GRIK4: variants seen among roughly 807,000 people sequenced by gnomAD.
GRIK4 encodes the protein glutamate ionotropic receptor kainate type subunit 4.
In GRIK4, 40 loss-of-function variants were observed where a neutral mutation model predicts 104.9. The observed-to-expected ratio is 0.38, with a 90% CI of 0.30 to 0.50. The LOEUF is 0.50. Among genes scored for constraint, GRIK4 ranks in the 20% least tolerant of loss-of-function variants. The pLI, the probability that GRIK4 is intolerant of heterozygous loss-of-function variation, is 0.93. For missense variants in GRIK4, 1,047 were observed against 1,308.1 expected (o/e 0.80, Z 3.08); for synonymous variants, 485 against 524.9 (o/e 0.92, Z 1.04).
chr11:120,824,537 C>CTTTTTTTT (rs967209826), intron 6 of GRIK4, among the ~76,000 whole-genome samples: 3 of 141,838 alleles, frequency 2.1e-5, no homozygotes, highest in Non-Finnish European at 3.1e-5. Context: ...TTTTTTCCTT[C>CTTTTTTTT]TTTTTTTTTT....
intron 1 of GRIK4, chr11:120,515,048 G>A (rs1469952324): frequency 2.2e-6 from 1 of 456,700 alleles, no homozygotes; most frequent in Non-Finnish European, 4.4e-6. Context: ...CTTCCAAGAT[G>A]CCTTGCAGGT....
chr11:120,738,832 G>A (rs183793526), intron 3 of GRIK4, among the ~76,000 whole-genome samples: 356 of 152,218 alleles, frequency 2.3e-3, no homozygotes, highest in Non-Finnish European at 4.5e-3. Flanking sequence ...CTGAAGCTCA[G>A]TCACAGCCAT....
At chr11:120,950,530 G>A (rs969343544) in intron 14 of GRIK4, among the ~76,000 whole-genome samples, 1 of 152,214 alleles carries the variant, frequency 6.6e-6, no homozygotes, top group African/African-American at 2.4e-5. Flanking sequence ...GAGACAGATT[G>A]AAATAGTCAT....
In GRIK4 at chr11:120,611,361, A is replaced by G. The variant is rs544227607; in HGVS notation, c.-158-42324A>G. Among the ~76,000 whole-genome samples, 249 of 152,310 alleles carry G rather than the reference A, an allele frequency of 1.6e-3. 1 individual carries two copies. The highest frequency in any genetic ancestry group is 2.7e-3 in the Non-Finnish European group (184 of 68,036). ...GGAACAATAATATTTAATATGCAGT[A>G]TAATTGTAAGGATCACTTGCATCCT... On this transcript the variant is annotated intron_variant, in intron 1 of 20. Transcript: ENST00000527524.
intron 13 of GRIK4, among the ~76,000 whole-genome samples, chr11:120,919,695 A>G (rs1032767227): frequency 6.6e-6 from 1 of 152,200 alleles, no homozygotes; most frequent in Admixed American, 6.5e-5. Context: ...GAAGCTACTG[A>G]ATAATTCAAA....
At chr11:120,636,268 C>G (rs1222079748) in intron 1 of GRIK4, among the ~76,000 whole-genome samples, 2 of 152,164 alleles carry the variant, frequency 1.3e-5, no homozygotes, top group Non-Finnish European at 2.9e-5. Flanking sequence ...ATGTGCTGTT[C>G]TCCTGGGAAC....
At chr11:120,936,182 A>G (rs1943594821) in intron 13 of GRIK4, 3 of 278,302 alleles carry the variant, frequency 1.1e-5, no homozygotes, top group Non-Finnish European at 7.1e-6. Flanking sequence ...CTCAGTTTGC[A>G]GCAATATCCT....
Position 120,905,517 on chromosome 11 carries a change from GGCC to G in GRIK4, c.1476+25_1476+27del. The stretch of plus-strand genomic sequence containing the variant: ...GGGTAAGGAGAGGACAAGTGATCTG[GGCC>G]TGAGGGTGGGCTGGGAGGGATTGGA... On this transcript the variant is annotated intron_variant, in intron 13 of 20. Transcript: ENST00000527524. This position sits in a 1 kb window ranked among gnomAD's most constrained non-coding sequence, Gnocchi z 5.1. 7.2e-7 allele frequency: 1 copy of G among 1,380,246 alleles called. No individual in the cohort carries two copies. The highest frequency in any genetic ancestry group is 1.0e-6 in the Non-Finnish European group (1 of 974,098). 85.5% of individuals were successfully genotyped at this position (1,380,246 alleles called of 1,614,324 possible).
rs929992715 is a variant in GRIK4 at position 120,555,568 on chromosome 11, G to A, written c.-159+43681G>A. 2.6e-5 allele frequency among the ~76,000 whole-genome samples: 4 copies of A among 152,138 alleles called. No individual in the cohort carries two copies. Among genetic ancestry groups the A allele is most frequent in the African/African-American group, 4.8e-5 (2 of 41,430 alleles). ...ACACAGCGGTCGTCTTCTCCCTCAC[G>A]GTCCGCCTGCCTTTCCCGACCTACC... On this transcript the variant is annotated intron_variant, in intron 1 of 20. Coordinates refer to ENST00000527524, the MANE Select transcript of GRIK4 (RefSeq NM_014619.5). This position sits in a 1 kb window ranked among gnomAD's most constrained non-coding sequence, Gnocchi z 5.3.
chr11:120,924,576 C>T (rs1013635038), intron 13 of GRIK4, among the ~76,000 whole-genome samples: 8 of 152,190 alleles, frequency 5.3e-5, no homozygotes, highest in African/African-American at 7.2e-5. Context: ...CCCCTTGTCC[C>T]CACCCACCTC....
At chr11:120,974,486 C>T (rs909668824) in intron 19 of GRIK4, among the ~76,000 whole-genome samples, 8 of 152,156 alleles carry the variant, frequency 5.3e-5, no homozygotes, top group South Asian at 2.1e-4. Flanking sequence ...ATGTACCAGA[C>T]GACGTGCCAG....
Position 120,903,987 on chromosome 11 carries a change from A to G in GRIK4, c.1273-1303A>G, listed in dbSNP as rs1014909836. Among the ~76,000 whole-genome samples the G allele has an allele frequency of 3.9e-5, 6 of 152,136 alleles. No individual in the cohort carries two copies. Among genetic ancestry groups the G allele is most frequent in the Non-Finnish European group, 8.8e-5 (6 of 68,018 alleles). ...TTTCCTCCTCCTTGACGCTAAGATCATGTTCCCCTGATTTTCAGCCTTCCT... is the reference window on the plus strand; with the variant it reads ...TTTCCTCCTCCTTGACGCTAAGATCGTGTTCCCCTGATTTTCAGCCTTCCT... On this transcript the variant is annotated intron_variant, in intron 12 of 20. Coordinates refer to ENST00000527524, the MANE Select transcript of GRIK4 (RefSeq NM_014619.5). This position sits in a 1 kb window ranked among gnomAD's most constrained non-coding sequence, Gnocchi z 4.4.
intron 3 of GRIK4, among the ~76,000 whole-genome samples, chr11:120,740,406 A>C (rs1951306798): frequency 6.6e-6 from 1 of 152,166 alleles, no homozygotes; most frequent in East Asian, 1.9e-4. Context: ...CAGAGCCTTC[A>C]GCTAGAGAAA....
intron 1 of GRIK4, chr11:120,620,297 T>C (rs1322619926): frequency 1.4e-6 from 1 of 696,928 alleles, no homozygotes; most frequent in African/African-American, 1.8e-5. Flanking sequence ...TCTACTTTGC[T>C]TCCTCAGGAA....
At chr11:120,681,551 T>G (rs1950193590) in intron 3 of GRIK4, among the ~76,000 whole-genome samples, 1 of 152,204 alleles carries the variant, frequency 6.6e-6, no homozygotes, top group South Asian at 2.1e-4. Context: ...CCTGGTTAAG[T>G]GCCAATTAGC....
At position 120,905,906 on chromosome 11, in the gene GRIK4, A is replaced by G. The variant is rs781314266; in HGVS notation, c.1476+413A>G. ...GCTTGGATCCTTGAGAGACACTGCC[A>G]AGGGAGACGTGGCTAAATAACAGGG... On this transcript the variant is annotated intron_variant, in intron 13 of 20. Coordinates refer to ENST00000527524, the MANE Select transcript of GRIK4 (RefSeq NM_014619.5). This position sits in a 1 kb window ranked among gnomAD's most constrained non-coding sequence, Gnocchi z 5.1. 1.3e-5 allele frequency among the ~76,000 whole-genome samples: 2 copies of G among 152,224 alleles called. No homozygotes were observed. Among genetic ancestry groups the G allele is most frequent in the East Asian group, 1.9e-4 (1 of 5,204 alleles).
chr11:120,565,382 G>C (rs532211158), intron 1 of GRIK4, among the ~76,000 whole-genome samples: 2 of 152,358 alleles, frequency 1.3e-5, no homozygotes, highest in Admixed American at 1.3e-4. Flanking sequence ...TTAATTAGCA[G>C]GAATGCGCTG....
Position 120,956,670 on chromosome 11 carries a change from TGC to T in GRIK4, c.1701-109_1701-108del, listed in dbSNP as rs1363132274. 1.5e-6 allele frequency: 1 copy of T among 653,528 alleles called. No homozygotes were observed. Among genetic ancestry groups the T allele is most frequent in the Admixed American group, 3.0e-5 (1 of 32,876 alleles). The allele number at this position is 653,528 out of a possible 1,614,324, so 40.5% of individuals were successfully genotyped here. A position where few individuals can be genotyped will look rare whatever the true frequency, so the allele number is the denominator to read the frequency against. On this transcript the variant is annotated intron_variant, in intron 15 of 20. Transcript: ENST00000527524. This position sits in a 1 kb window ranked among gnomAD's most constrained non-coding sequence, Gnocchi z 4.6. ...CCAAGTCCAGCAAAGGGAAGTGGCT[TGC>T]CCAAGGCCACAGGCCGGTCTCAGAG...
intron 3 of GRIK4, among the ~76,000 whole-genome samples, chr11:120,686,449 A>T (rs1950278001): frequency 6.6e-6 from 1 of 152,226 alleles, no homozygotes; most frequent in Non-Finnish European, 1.5e-5. Context: ...TCTTTCCTAA[A>T]AACTGAAAGT....
Sources: allele counts gnomAD v4.1 joint callset (sites outside exome capture counted in the v4.1 genomes callset), GRCh38; gene constraint gnomAD v4.1.1; non-coding constraint Gnocchi (gnomAD v3.1); transcripts MANE v1.5; gene names NCBI Gene and HGNC (gene_info 2026-07-23, HGNC 2026-07-21).